The following MAGI2 variants were observed in gnomAD, a reference collection of about 807,000 sequenced individuals.
The protein encoded by MAGI2 is membrane-associated guanylate kinase, WW and PDZ domain-containing protein 2.
MAGI2 carries 35 observed loss-of-function variants against 133.3 expected under a neutral mutation model. The observed-to-expected ratio is 0.26, with a 90% CI of 0.20 to 0.35. MAGI2 has a LOEUF of 0.35. Ranked by LOEUF, MAGI2 falls within the 10% of genes least tolerant of loss-of-function variation. The probability of loss-of-function intolerance (pLI) is 1.00; values close to 1 mark genes in which losing one functional copy is unlikely to be tolerated. For synonymous variants in MAGI2, 729 were observed against 710.6 expected (o/e 1.03, Z -0.41); for missense variants, 1,636 against 1,863.4 (o/e 0.88, Z 2.25).
rs972572902 is a variant in MAGI2 at position 78,139,223 on chromosome 7, G to A, written c.2846-4017C>T. Among the ~76,000 whole-genome samples, 4 of 152,284 alleles carry A rather than the reference G, an allele frequency of 2.6e-5. No homozygotes were observed. The East Asian group carries it at 5.8e-4, about 22-fold the overall frequency. ...TCTTCAGTAATTGAAAGTACCTGAC[G>A]TGGTTTTATTACAAATGTTTTCTAT... On this transcript the variant is annotated intron_variant, in intron 16 of 21. Transcript: ENST00000354212.
intron 2 of MAGI2, among the ~76,000 whole-genome samples, chr7:78,686,954 G>A (rs771339104): frequency 2.0e-5 from 3 of 152,192 alleles, no homozygotes; most frequent in Non-Finnish European, 4.4e-5. Context: ...ATTATTGCAA[G>A]ATGTAAGTAA....
chr7:78,186,185 A>C (rs563522154), intron 12 of MAGI2, among the ~76,000 whole-genome samples: 2 of 152,142 alleles, frequency 1.3e-5, no homozygotes, highest in Non-Finnish European at 2.9e-5. Context: ...AGTTGAGTTA[A>C]ATTGGTTTAT....
intron 21 of MAGI2, among the ~76,000 whole-genome samples, chr7:78,036,309 T>C (rs1320375829): frequency 6.6e-6 from 1 of 152,168 alleles, no homozygotes; most frequent in African/African-American, 2.4e-5. Context: ...ATAATATCTA[T>C]CCCAAAGACT....
chr7:78,104,990 CAT>C (rs1818542719), intron 20 of MAGI2, among the ~76,000 whole-genome samples: 1 of 151,782 alleles, frequency 6.6e-6, no homozygotes, highest in Non-Finnish European at 1.5e-5. Context: ...CCTCCCACCT[CAT>C]CTCCCAGAAG....
chr7:78,509,968 A>T (rs1413621608), intron 4 of MAGI2, among the ~76,000 whole-genome samples: 1 of 152,202 alleles, frequency 6.6e-6, no homozygotes, highest in East Asian at 1.9e-4. Context: ...CCTGTGATTT[A>T]TATTTATAAT....
intron 1 of MAGI2, among the ~76,000 whole-genome samples, chr7:79,236,383 A>C (rs182913796): frequency 2.0e-5 from 3 of 152,350 alleles, no homozygotes; most frequent in African/African-American, 7.2e-5. Flanking sequence ...AATCACAGTA[A>C]GGAAGTCAAG....
At chr7:79,438,752 T>G (rs1351617886) in intron 1 of MAGI2, among the ~76,000 whole-genome samples, 3 of 152,104 alleles carry the variant, frequency 2.0e-5, no homozygotes, top group Non-Finnish European at 4.4e-5. Context: ...CCATTCCCAG[T>G]ACTCATGCCA....
At chr7:79,194,735 AG>A (rs1392960235) in intron 1 of MAGI2, among the ~76,000 whole-genome samples, 1 of 151,738 alleles carries the variant, frequency 6.6e-6, no homozygotes, top group Non-Finnish European at 1.5e-5. Context: ...CCTGAGCTTT[AG>A]GGAATGGATG....
intron 2 of MAGI2, among the ~76,000 whole-genome samples, chr7:78,773,094 T>C (rs1469625197): frequency 1.3e-5 from 2 of 152,140 alleles, no homozygotes; most frequent in Non-Finnish European, 2.9e-5. Context: ...ACATATTACC[T>C]TAGATCAGAT....
In MAGI2 at chr7:78,063,524, G is replaced by A. The variant is rs527526384; in HGVS notation, c.3706+15423C>T. Among the ~76,000 whole-genome samples, 5 of 152,300 alleles carry A rather than the reference G, an allele frequency of 3.3e-5. No homozygotes were observed. The South Asian group carries it at 1.0e-3, about 32-fold the overall frequency. ...CCTAAAATGTTGGGATTACAGCTGTGAGCCACCGTGCCCAGCCAGAAGGCT... is the reference window on the plus strand; with the variant it reads ...CCTAAAATGTTGGGATTACAGCTGTAAGCCACCGTGCCCAGCCAGAAGGCT... On this transcript the variant is annotated intron_variant, in intron 21 of 21. Coordinates refer to ENST00000354212, the MANE Select transcript of MAGI2 (RefSeq NM_012301.4).
At chr7:78,982,430 T>C (rs1172012036) in intron 2 of MAGI2, among the ~76,000 whole-genome samples, 1 of 151,918 alleles carries the variant, frequency 6.6e-6, no homozygotes, top group East Asian at 1.9e-4. Flanking sequence ...TACTTGGCTT[T>C]TTGTAAGCAC....
At chr7:79,002,564 G>C (rs866245071) in intron 2 of MAGI2, among the ~76,000 whole-genome samples, 2 of 152,022 alleles carry the variant, frequency 1.3e-5, no homozygotes, top group East Asian at 3.9e-4. Context: ...AGCTACCAAA[G>C]AATAGTACGA....
At chr7:78,417,202 A>G (rs1798380260) in intron 6 of MAGI2, among the ~76,000 whole-genome samples, 2 of 152,138 alleles carry the variant, frequency 1.3e-5, no homozygotes, top group African/African-American at 2.4e-5. Context: ...CTTGAATTAC[A>G]TATAACTGAA....
intron 1 of MAGI2, among the ~76,000 whole-genome samples, chr7:79,086,711 T>C (rs1049577521): frequency 6.6e-6 from 1 of 151,840 alleles, no homozygotes; most frequent in Non-Finnish European, 1.5e-5. Flanking sequence ...GTGAACAAAA[T>C]GAAAAAATCT....
At chr7:78,128,914 A>G (rs540085355) in intron 18 of MAGI2, among the ~76,000 whole-genome samples, 62 of 152,326 alleles carry the variant, frequency 4.1e-4, no homozygotes, top group African/African-American at 1.4e-3. Flanking sequence ...TTTAAAATAT[A>G]CTTTGAATAA....
intron 9 of MAGI2, among the ~76,000 whole-genome samples, chr7:78,324,141 T>TACACTACACTACACTAC (rs1562823284): frequency 1.6e-4 from 21 of 130,042 alleles, no homozygotes; most frequent in South Asian, 2.9e-4. Flanking sequence ...TACACTACAC[T>TACACTACACTACACTAC]ACACTACACT....
intron 1 of MAGI2, among the ~76,000 whole-genome samples, chr7:79,421,125 T>C (rs1846928214): frequency 6.6e-6 from 1 of 151,980 alleles, no homozygotes; most frequent in Admixed American, 6.6e-5. Flanking sequence ...CTTTGAGAAA[T>C]ACAAAAGAAG....
chr7:78,907,378 C>T (rs1267023132), intron 2 of MAGI2, among the ~76,000 whole-genome samples: 1 of 152,134 alleles, frequency 6.6e-6, no homozygotes, highest in Non-Finnish European at 1.5e-5. Flanking sequence ...CCCTGGGGTA[C>T]ACATGTTTAA....
At chr7:78,696,549 G>A (rs1243835342) in intron 2 of MAGI2, among the ~76,000 whole-genome samples, 1 of 152,070 alleles carries the variant, frequency 6.6e-6, no homozygotes, top group Non-Finnish European at 1.5e-5. Context: ...GGACAAACAT[G>A]TTAGTTTGCA....
Sources: allele counts gnomAD v4.1 joint callset (sites outside exome capture counted in the v4.1 genomes callset), GRCh38; gene constraint gnomAD v4.1.1; transcripts MANE v1.5; gene names NCBI Gene and HGNC (gene_info 2026-07-23, HGNC 2026-07-21).